Variants in KCNIP4 observed in about 807,000 individuals in gnomAD.
KCNIP4 encodes the protein potassium voltage-gated channel interacting protein 4.
KCNIP4 carries 12 observed loss-of-function variants against 34.0 expected under a neutral mutation model. The ratio of observed to expected loss-of-function variants is 0.35; its 90% CI spans 0.23 to 0.57. The LOEUF (loss-of-function observed/expected upper bound fraction) is 0.57. KCNIP4 is among the 20% of genes least tolerant of loss of function. The pLI is 0.83. For missense variants in KCNIP4, 238 were observed against 311.7 expected, an observed-to-expected ratio of 0.76 and a Z score of 1.78; for synonymous variants, 124 against 102.2, an observed-to-expected ratio of 1.21 and a Z score of -1.29.
At chr4:21,838,825 C>T (rs1305135822) in intron 1 of KCNIP4, among the ~76,000 whole-genome samples, 3 of 152,082 alleles carry the variant, frequency 2.0e-5, no homozygotes, top group Non-Finnish European at 2.9e-5. Flanking sequence ...AAATTTTCTG[C>T]CCATATTATA....
At chr4:21,404,595 C>T (rs924647636) in intron 1 of KCNIP4, among the ~76,000 whole-genome samples, 1 of 152,064 alleles carries the variant, frequency 6.6e-6, no homozygotes, top group Non-Finnish European at 1.5e-5. Flanking sequence ...TACACGTATA[C>T]ATAGCATATT....
intron 1 of KCNIP4, among the ~76,000 whole-genome samples, chr4:21,313,527 C>A (rs1354876411): frequency 6.6e-6 from 1 of 152,094 alleles, no homozygotes; most frequent in Non-Finnish European, 1.5e-5. Context: ...AAATAAAAAA[C>A]CTATGATAAC....
chr4:21,241,644 T>C (rs1233574087), intron 1 of KCNIP4, among the ~76,000 whole-genome samples: 1 of 152,198 alleles, frequency 6.6e-6, no homozygotes, highest in African/African-American at 2.4e-5. Flanking sequence ...GGTTAATTCA[T>C]ATTGTGAAGA....
At chr4:21,125,096 G>C (rs998667728) in intron 1 of KCNIP4, among the ~76,000 whole-genome samples, 7 of 149,216 alleles carry the variant, frequency 4.7e-5, no homozygotes, top group African/African-American at 1.7e-4. Flanking sequence ...CTTTGCTATT[G>C]AGAAGCCAGC....
At chr4:20,825,001 C>A (rs1717557292) in intron 3 of KCNIP4, among the ~76,000 whole-genome samples, 2 of 152,080 alleles carry the variant, frequency 1.3e-5, no homozygotes, top group East Asian at 1.9e-4. Flanking sequence ...TGTTTTAAAG[C>A]AAAATATAAG....
rs1720197296 is a variant in KCNIP4 at position 21,370,178 on chromosome 4, C to T, written c.62-487469G>A. Among the ~76,000 whole-genome samples, 5 of 147,378 alleles carry T rather than the reference C, an allele frequency of 3.4e-5. 2 individuals carry two copies. The East Asian group carries it at 6.0e-4, about 18-fold the overall frequency. Reference sequence around the variant, plus strand: ...AACTAAGAAGACTGCCTCTAAGCTACATTTTAAAAGATTACCACCCATTTT... The same window carrying T: ...AACTAAGAAGACTGCCTCTAAGCTATATTTTAAAAGATTACCACCCATTTT... On this transcript the variant is annotated intron_variant, in intron 1 of 8. Coordinates refer to ENST00000382152, the MANE Select transcript of KCNIP4 (RefSeq NM_025221.6).
intron 1 of KCNIP4, among the ~76,000 whole-genome samples, chr4:21,934,201 G>C (rs1729725758): frequency 6.6e-6 from 1 of 151,970 alleles, no homozygotes; most frequent in East Asian, 1.9e-4. Context: ...CTTTGCCCAG[G>C]ATAAGATATA....
intron 1 of KCNIP4, among the ~76,000 whole-genome samples, chr4:20,891,831 T>A (rs748659462): frequency 6.6e-6 from 1 of 152,154 alleles, no homozygotes; most frequent in Non-Finnish European, 1.5e-5. Flanking sequence ...TGCAATTACT[T>A]TTGCCCCAAC....
At chr4:21,054,256 C>T (rs560987413) in intron 1 of KCNIP4, among the ~76,000 whole-genome samples, 6 of 151,992 alleles carry the variant, frequency 3.9e-5, no homozygotes, top group African/African-American at 7.2e-5. Context: ...TGCTGGCTCA[C>T]GTCTATGATA....
intron 1 of KCNIP4, among the ~76,000 whole-genome samples, chr4:21,868,304 T>C (rs1480634133): frequency 6.6e-6 from 1 of 152,228 alleles, no homozygotes; most frequent in African/African-American, 2.4e-5. Context: ...AGTTATTTTA[T>C]CAAGGGGATG....
intron 1 of KCNIP4, among the ~76,000 whole-genome samples, chr4:21,695,818 A>G (rs1438141137): frequency 1.1e-4 from 17 of 152,120 alleles, no homozygotes; most frequent in Non-Finnish European, 2.4e-4. Flanking sequence ...CTTTTATAAA[A>G]TATTTCTCTA....
At chr4:21,217,076 G>A (rs1757639516) in intron 1 of KCNIP4, among the ~76,000 whole-genome samples, 3 of 152,194 alleles carry the variant, frequency 2.0e-5, no homozygotes, top group South Asian at 4.1e-4. Flanking sequence ...TTTTCATTAC[G>A]AGCTACGAAG....
chr4:21,244,720 T>A (rs1045717461), intron 1 of KCNIP4, among the ~76,000 whole-genome samples: 17 of 152,168 alleles, frequency 1.1e-4, no homozygotes, highest in Non-Finnish European at 2.2e-4. Flanking sequence ...GTTGAAACAA[T>A]TAGAATATGT....
chr4:20,790,928 A>G (rs1712671518), intron 3 of KCNIP4, among the ~76,000 whole-genome samples: 1 of 152,314 alleles, frequency 6.6e-6, no homozygotes, highest in South Asian at 2.1e-4. Flanking sequence ...CCAAAGAAAG[A>G]TGGCTTATTT....
chr4:21,484,036 G>A (rs1731693147), intron 1 of KCNIP4, among the ~76,000 whole-genome samples: 1 of 151,906 alleles, frequency 6.6e-6, no homozygotes, highest in South Asian at 2.1e-4. Context: ...CCCAGTTGCA[G>A]GTATTTCTTT....
chr4:20,957,181 A>G (rs1733398926), intron 1 of KCNIP4, among the ~76,000 whole-genome samples: 1 of 151,480 alleles, frequency 6.6e-6, no homozygotes, highest in Non-Finnish European at 1.5e-5. Context: ...AAGAACGGGT[A>G]CCTCGGTTTT....
intron 1 of KCNIP4, among the ~76,000 whole-genome samples, chr4:21,785,941 T>C (rs1002123278): frequency 6.6e-6 from 1 of 152,162 alleles, no homozygotes; most frequent in Non-Finnish European, 1.5e-5. Flanking sequence ...TGTGGGCATA[T>C]ATTTTCACCT....
At chr4:21,029,790 C>T (rs1322606714) in intron 1 of KCNIP4, among the ~76,000 whole-genome samples, 2 of 152,148 alleles carry the variant, frequency 1.3e-5, no homozygotes, top group Non-Finnish European at 2.9e-5. Flanking sequence ...TGCTCCTACA[C>T]CAACTTGAGA....
At chr4:21,339,438 T>C (rs529283193) in intron 1 of KCNIP4, among the ~76,000 whole-genome samples, 2 of 152,328 alleles carry the variant, frequency 1.3e-5, no homozygotes, top group Non-Finnish European at 2.9e-5. Flanking sequence ...CAACATAATA[T>C]GCAAATTGAA....
Sources: gnomAD v4.1 joint callset for allele counts (sites outside exome capture counted in the v4.1 genomes callset) on GRCh38, gnomAD v4.1.1 for gene constraint, MANE v1.5 for transcripts, NCBI Gene and HGNC (gene_info 2026-07-23, HGNC 2026-07-21) for gene names.